FRMD4A: variants seen among roughly 807,000 people sequenced by gnomAD.
The protein encoded by FRMD4A is FERM domain-containing protein 4A.
Under a neutral mutation model 129.1 loss-of-function variants are expected in FRMD4A, and 29 were observed. The ratio of observed to expected loss-of-function variants is 0.22; its 90% CI spans 0.17 to 0.31. The LOEUF (loss-of-function observed/expected upper bound fraction) is 0.31. Among genes scored for constraint, FRMD4A ranks in the 10% least tolerant of loss-of-function variants. FRMD4A has a pLI of 1.00. For synonymous variants in FRMD4A, 634 were observed against 571.6 expected, an observed-to-expected ratio of 1.11 and a Z score of -1.56; for missense variants, 1,272 against 1,375.8, an observed-to-expected ratio of 0.92 and a Z score of 1.19.
chr10:14,025,658 A>G (rs1373066523), intron 2 of FRMD4A, among the ~76,000 whole-genome samples: 1 of 152,196 alleles, frequency 6.6e-6, no homozygotes, highest in African/African-American at 2.4e-5. Context: ...CAAAACGGAA[A>G]CACTGTGACC....
At chr10:14,152,117 CTTTTTTTTTTTTTTT>C (rs36023583) in intron 2 of FRMD4A, among the ~76,000 whole-genome samples, 589 of 54,180 alleles carry the variant, frequency 0.011, 18 homozygotes, top group African/African-American at 0.042. Context: ...TTGTGTAGTG[CTTTTTTTTTTTTTTT>C]TTTTTTTTTT....
At chr10:14,196,728 T>C (rs1164100589) in intron 2 of FRMD4A, among the ~76,000 whole-genome samples, 4 of 152,248 alleles carry the variant, frequency 2.6e-5, no homozygotes, top group African/African-American at 9.6e-5. Flanking sequence ...TGCTAGCCCA[T>C]AGAAATCATT....
rs564546885 is a variant in FRMD4A, at chr10:13,671,422, C to G, written c.1252-894G>C. The stretch of plus-strand genomic sequence containing the variant: ...TGAGCCAAGATCATGCCACTACACT[C>G]CAGCCTGGGTGACAGATCGAGACTC... On this transcript the variant is annotated intron_variant, in intron 16 of 24. Transcript: ENST00000357447. 4.6e-5 allele frequency among the ~76,000 whole-genome samples: 7 copies of G among 152,214 alleles called. No individual in the cohort carries two copies. The East Asian group carries it at 1.4e-3, about 29-fold the overall frequency.
At chr10:13,836,689 C>T (rs984118805) in intron 3 of FRMD4A, among the ~76,000 whole-genome samples, 9 of 151,272 alleles carry the variant, frequency 5.9e-5, no homozygotes, top group Admixed American at 4.0e-4. Context: ...GAGGGTTTTT[C>T]ATGGCAAGGA....
At chr10:14,199,820 T>G (rs939564493) in intron 2 of FRMD4A, among the ~76,000 whole-genome samples, 33 of 151,406 alleles carry the variant, frequency 2.2e-4, no homozygotes, top group African/African-American at 7.5e-4. Flanking sequence ...TGACATAATA[T>G]GTACTTTATT....
chr10:14,308,172 G>A (rs1846415157), intron 2 of FRMD4A, among the ~76,000 whole-genome samples: 1 of 152,186 alleles, frequency 6.6e-6, no homozygotes, highest in South Asian at 2.1e-4. Flanking sequence ...CAGTTTTGAA[G>A]AGCATTTCAA....
At chr10:13,694,422 G>C (rs1486102768) in intron 14 of FRMD4A, among the ~76,000 whole-genome samples, 1 of 152,200 alleles carries the variant, frequency 6.6e-6, no homozygotes, top group African/African-American at 2.4e-5. Flanking sequence ...AGGAGAAAAA[G>C]TGTGGGAAGG....
At chr10:14,261,080 T>A (rs868386793) in intron 2 of FRMD4A, among the ~76,000 whole-genome samples, 19 of 152,030 alleles carry the variant, frequency 1.2e-4, no homozygotes, top group Middle Eastern at 3.4e-3. Context: ...CTGAGAGGAG[T>A]TAGAGTCTGG....
intron 21 of FRMD4A, among the ~76,000 whole-genome samples, chr10:13,658,362 T>A (rs1227397998): frequency 6.6e-6 from 1 of 152,214 alleles, no homozygotes; most frequent in Non-Finnish European, 1.5e-5. Flanking sequence ...TACCATTACT[T>A]TATAATTCAT....
chr10:14,033,098 G>T, intron 2 of FRMD4A, among the ~76,000 whole-genome samples: 1 of 152,192 alleles, frequency 6.6e-6, no homozygotes, highest in Non-Finnish European at 1.5e-5. Flanking sequence ...CCTGAGGTCA[G>T]GAGTTCGAGA....
chr10:14,021,950 G>GT lies in FRMD4A; in HGVS notation c.46-163039dup, dbSNP rs113180850. On this transcript the variant is annotated intron_variant, in intron 2 of 24. Transcript: ENST00000357447. The stretch of plus-strand genomic sequence containing the variant: ...ATGCATGCAATCATGAGATTTCTGC[G>GT]TTTTTTTTTGCATTTTATTGCTCCC... Among the ~76,000 whole-genome samples the GT allele has an allele frequency of 9.3e-3, 1,398 of 149,904 alleles. 12 individuals are homozygous for GT. The highest frequency in any genetic ancestry group is 0.015 in the Non-Finnish European group (1,004 of 67,370).
intron 2 of FRMD4A, among the ~76,000 whole-genome samples, chr10:14,160,854 C>CA (rs1294513194): frequency 6.6e-6 from 1 of 152,056 alleles, no homozygotes; most frequent in Non-Finnish European, 1.5e-5. Flanking sequence ...ATCAAAGAGA[C>CA]AAAAAATAAC....
At position 13,656,802 on chromosome 10, in the gene FRMD4A, G is replaced by A; in HGVS notation, c.2787C>T (p.Arg929=). The A allele has an allele frequency of 6.3e-7, 1 of 1,586,734 alleles. No individual in the cohort carries two copies. The highest frequency in any genetic ancestry group is 8.6e-7 in the Non-Finnish European group (1 of 1,168,646). The change falls in exon 22 of 25, where the codon CGC becomes CGT. Residue 929 remains arginine, a synonymous_variant. Coordinates refer to ENST00000357447, the MANE Select transcript of FRMD4A (RefSeq NM_018027.5). ...AGRAAVSDEL[R]QWYQRSTASH... is the part of the protein sequence containing the mutation. The stretch of plus-strand genomic sequence containing the variant: ...AGGCGGTGGAACGCTGGTACCACTG[G>A]CGCAGCTCGTCTGAGACGGCGGCAC...
At chr10:14,117,186 G>A (rs1018214376) in intron 2 of FRMD4A, among the ~76,000 whole-genome samples, 13 of 152,204 alleles carry the variant, frequency 8.5e-5, no homozygotes. Context: ...CTTCTTGGAG[G>A]ACCCAGACTA....
chr10:13,958,500 G>T (rs1286208015), intron 2 of FRMD4A, among the ~76,000 whole-genome samples: 2 of 151,882 alleles, frequency 1.3e-5, no homozygotes, highest in Non-Finnish European at 2.9e-5. Flanking sequence ...AGCCAGGATG[G>T]TCTTGATCTC....
chr10:14,136,702 C>T (rs1009721284), intron 2 of FRMD4A, among the ~76,000 whole-genome samples: 9 of 148,644 alleles, frequency 6.1e-5, no homozygotes, highest in African/African-American at 2.0e-4. Context: ...TCTCGCCTTT[C>T]CTGGCTGAAC....
At chr10:13,675,082 G>A (rs1356835268) in intron 15 of FRMD4A, 38 bp from the exon 16 acceptor site, 64 of 1,590,166 alleles carry the variant, frequency 4.0e-5, no homozygotes, top group Non-Finnish European at 5.3e-5. Flanking sequence ...CCAGCTGACA[G>A]GGGACACACA....
chr10:14,035,514 C>T (rs1424513764), intron 2 of FRMD4A, among the ~76,000 whole-genome samples: 1 of 150,586 alleles, frequency 6.6e-6, no homozygotes, highest in African/African-American at 2.4e-5. Flanking sequence ...GACATTTTAA[C>T]ACACACTGAA....
intron 2 of FRMD4A, among the ~76,000 whole-genome samples, chr10:14,066,669 A>G (rs1297913799): frequency 2.0e-5 from 3 of 152,180 alleles, no homozygotes; most frequent in Non-Finnish European, 4.4e-5. Flanking sequence ...AGCCTCCCAA[A>G]GGACTAAGAA....
Sources: gnomAD v4.1 joint callset for allele counts (sites outside exome capture counted in the v4.1 genomes callset) on GRCh38, gnomAD v4.1.1 for gene constraint, MANE v1.5 for transcripts, NCBI Gene and HGNC (gene_info 2026-07-23, HGNC 2026-07-21) for gene names.